Variants in MALRD1 observed in about 807,000 individuals in gnomAD.
MALRD1 encodes MAM and LDL-receptor class A domain-containing protein 1.
In MALRD1, 247 loss-of-function variants were observed where a neutral mutation model predicts 242.1. The observed-to-expected ratio is 1.02, with a 90% CI of 0.92 to 1.13. MALRD1 has a LOEUF of 1.13. Ranked by LOEUF, MALRD1 falls within the 50% of genes most tolerant of loss-of-function variation. The probability of loss-of-function intolerance (pLI) is 0.00; values close to 1 mark genes in which losing one functional copy is unlikely to be tolerated. For missense variants in MALRD1, 2,989 were observed against 2,533.1 expected (o/e 1.18, Z -3.86); for synonymous variants, 995 against 866.6 (o/e 1.15, Z -2.60).
intron 2 of MALRD1, among the ~76,000 whole-genome samples, chr10:19,085,947 A>G (rs1458405616): frequency 6.6e-6 from 1 of 152,102 alleles, no homozygotes; most frequent in Non-Finnish European, 1.5e-5. Context: ...TAAACCTAAA[A>G]TAATATATGC....
intron 33 of MALRD1, among the ~76,000 whole-genome samples, chr10:19,568,663 A>T (rs1018546417): frequency 6.7e-6 from 1 of 149,896 alleles, no homozygotes; most frequent in East Asian, 2.0e-4. Flanking sequence ...TCCTAAACCC[A>T]TTTTCTAGTA....
chr10:19,563,002 A>G (rs1373448757), intron 32 of MALRD1, among the ~76,000 whole-genome samples: 1 of 152,176 alleles, frequency 6.6e-6, no homozygotes, highest in Non-Finnish European at 1.5e-5. Flanking sequence ...GGATCTAAAA[A>G]TAGTTGTTGA....
intron 36 of MALRD1, among the ~76,000 whole-genome samples, chr10:19,678,748 C>T (rs571923320): frequency 6.6e-6 from 1 of 152,204 alleles, no homozygotes; most frequent in Admixed American, 6.5e-5. Flanking sequence ...GGAATGCTTC[C>T]AGCTTTTGCC....
intron 36 of MALRD1, among the ~76,000 whole-genome samples, chr10:19,627,800 A>ATAATAGGC (rs1554816694): frequency 3.3e-5 from 5 of 150,108 alleles, no homozygotes; most frequent in African/African-American, 1.0e-4. Context: ...AGAAAAAACA[A>ATAATAGGC]TAATAGGCCA....
intron 28 of MALRD1, among the ~76,000 whole-genome samples, chr10:19,398,498 G>T (rs565336091): frequency 2.0e-5 from 3 of 152,172 alleles, no homozygotes; most frequent in Admixed American, 6.5e-5. Context: ...ATTATAATGG[G>T]ATATTAAAAT....
Position 19,283,031 on chromosome 10 carries a change from G to C in MALRD1, c.3269G>C (p.Cys1090Ser). ...TACCCCATCCAAGTTATGGAAGTTT[G>C]CAGCTTTGAGAAAAGAAGCCTGTGT... is the stretch of plus-strand genomic sequence containing the variant. ...SDEASCVMEVCSFEKRSLCKW... is the reference protein window; with the variant it reads ...SDEASCVMEVSSFEKRSLCKW... The change falls in exon 21 of 40, where the codon TGC (cysteine) becomes TCC (serine). Residue 1090 changes from cysteine to serine, a missense_variant. Transcript: ENST00000454679. The C allele has an allele frequency of 6.5e-7, 1 of 1,544,632 alleles. No individual in the cohort carries two copies. Among genetic ancestry groups the C allele is most frequent in the South Asian group, 1.2e-5 (1 of 83,262 alleles).
At chr10:19,415,307 T>G (rs74497886) in intron 28 of MALRD1, among the ~76,000 whole-genome samples, 1 of 152,112 alleles carries the variant, frequency 6.6e-6, no homozygotes, top group Non-Finnish European at 1.5e-5. Flanking sequence ...AAGACTTGTA[T>G]TCATTTCAAT....
chr10:19,615,947 T>C, intron 36 of MALRD1, 24 bp downstream of exon 36: 1 of 1,502,942 alleles, frequency 6.7e-7, no homozygotes, highest in Non-Finnish European at 8.9e-7. Context: ...TTTAATTTTT[T>C]TTTTTAAGAT....
intron 36 of MALRD1, among the ~76,000 whole-genome samples, chr10:19,647,781 A>G (rs1360441668): frequency 1.3e-5 from 2 of 152,180 alleles, no homozygotes; most frequent in Non-Finnish European, 2.9e-5. Context: ...GTTTCCAGCT[A>G]TTGTGGAATA....
intron 21 of MALRD1, among the ~76,000 whole-genome samples, chr10:19,284,841 T>G (rs1269165905): frequency 4.6e-4 from 13 of 28,490 alleles, no homozygotes; most frequent in African/African-American, 2.8e-3. Context: ...ACTTCCACAA[T>G]GGTTGAACTA....
chr10:19,544,830 A>C (rs1475191236), intron 32 of MALRD1, among the ~76,000 whole-genome samples: 2 of 152,134 alleles, frequency 1.3e-5, no homozygotes, highest in Non-Finnish European at 2.9e-5. Flanking sequence ...GTATGTTATC[A>C]TCAAGTAAAA....
chr10:19,502,462 T>C (rs1197139921), intron 31 of MALRD1, among the ~76,000 whole-genome samples: 2 of 152,158 alleles, frequency 1.3e-5, no homozygotes, highest in Non-Finnish European at 2.9e-5. Context: ...TTGCACAGCA[T>C]AGTTTTATAG....
intron 14 of MALRD1, among the ~76,000 whole-genome samples, chr10:19,178,807 A>T (rs975384677): frequency 2.0e-5 from 3 of 152,168 alleles, no homozygotes; most frequent in Admixed American, 2.0e-4. Context: ...CTGAGTGCCC[A>T]AAGGGAGCAC....
intron 29 of MALRD1, among the ~76,000 whole-genome samples, chr10:19,471,427 A>G (rs1412163998): frequency 6.6e-6 from 1 of 151,718 alleles, no homozygotes; most frequent in Admixed American, 6.6e-5. Context: ...GTATTTTGTA[A>G]TTCGATATGA....
chr10:19,190,179 G>T (rs953244002), intron 14 of MALRD1, among the ~76,000 whole-genome samples: 1 of 150,850 alleles, frequency 6.6e-6, no homozygotes, highest in African/African-American at 2.4e-5. Flanking sequence ...CATCCAAAAA[G>T]GAAATTAAAA....
At chr10:19,623,762 A>G (rs7910652) in intron 36 of MALRD1, among the ~76,000 whole-genome samples, 8,637 of 152,164 alleles carry the variant, frequency 0.057, 713 homozygotes, top group African/African-American at 0.19. Flanking sequence ...AGTAGGTTGC[A>G]TGAAGCCTCC....
At chr10:19,110,013 G>A (rs536388943) in intron 5 of MALRD1, among the ~76,000 whole-genome samples, 1 of 152,248 alleles carries the variant, frequency 6.6e-6, no homozygotes, top group Admixed American at 6.5e-5. Flanking sequence ...TGGGGAGACA[G>A]GGCAGTAAAG....
chr10:19,524,090 C>T (rs900782452), intron 31 of MALRD1, among the ~76,000 whole-genome samples: 1 of 152,126 alleles, frequency 6.6e-6, no homozygotes, highest in Admixed American at 6.6e-5. Flanking sequence ...ATTCATTCGT[C>T]TCCAGAAACA....
intron 28 of MALRD1, among the ~76,000 whole-genome samples, chr10:19,419,382 C>T (rs1396286154): frequency 6.6e-6 from 1 of 152,168 alleles, no homozygotes; most frequent in Non-Finnish European, 1.5e-5. Context: ...GTAACCTCCA[C>T]CTCCCGGGTT....
Sources: gnomAD v4.1 joint callset for allele counts (sites outside exome capture counted in the v4.1 genomes callset) on GRCh38, gnomAD v4.1.1 for gene constraint, MANE v1.5 for transcripts, NCBI Gene and HGNC (gene_info 2026-07-23, HGNC 2026-07-21) for gene names.